Variants in LUZP2 observed in about 807,000 individuals in gnomAD.
LUZP2 encodes leucine zipper protein 2.
A neutral mutation model predicts 51.6 loss-of-function variants in LUZP2; 52 were observed. The ratio of observed to expected loss-of-function variants is 1.01; its 90% CI spans 0.81 to 1.27. The LOEUF (loss-of-function observed/expected upper bound fraction) is 1.27. Among genes scored for constraint, LUZP2 ranks in the 50% most tolerant of loss-of-function variants. The pLI is 0.00. For synonymous variants in LUZP2, 154 were observed against 137.3 expected, an observed-to-expected ratio of 1.12 and a Z score of -0.85; for missense variants, 436 against 395.4, an observed-to-expected ratio of 1.10 and a Z score of -0.87.
At chr11:24,818,465 A>G (rs1224095849) in intron 5 of LUZP2, among the ~76,000 whole-genome samples, 1 of 152,144 alleles carries the variant, frequency 6.6e-6, no homozygotes. Flanking sequence ...AGTGTCCTAG[A>G]GGTGGTATGT....
chr11:24,872,937 A>G (rs528559543), intron 5 of LUZP2, among the ~76,000 whole-genome samples: 1 of 152,268 alleles, frequency 6.6e-6, no homozygotes, highest in East Asian at 1.9e-4. Flanking sequence ...ATTCTGTTTT[A>G]CATTTTTCCC....
intron 1 of LUZP2, among the ~76,000 whole-genome samples, chr11:24,557,020 C>T (rs552999230): frequency 1.3e-5 from 2 of 152,276 alleles, no homozygotes; most frequent in East Asian, 3.9e-4. Context: ...TCCTCTCTTT[C>T]CATGTCTTAT....
chr11:24,573,290 C>T (rs1366601735), intron 1 of LUZP2, among the ~76,000 whole-genome samples: 1 of 151,970 alleles, frequency 6.6e-6, no homozygotes, highest in Non-Finnish European at 1.5e-5. Flanking sequence ...ACAAGGATTG[C>T]AAAGCCAGTA....
chr11:24,545,447 T>C (rs1046452685), intron 1 of LUZP2, among the ~76,000 whole-genome samples: 28 of 152,058 alleles, frequency 1.8e-4, no homozygotes, highest in African/African-American at 5.8e-4. Context: ...AGTTGATTCT[T>C]GTATACTATG....
chr11:24,619,811 GA>G (rs1188808869), intron 1 of LUZP2, among the ~76,000 whole-genome samples: 5 of 152,026 alleles, frequency 3.3e-5, no homozygotes, highest in Admixed American at 6.6e-5. Context: ...ATAATAATAA[GA>G]AAAAAAGTCT....
At chr11:24,683,825 C>T (rs1019125978) in intron 1 of LUZP2, among the ~76,000 whole-genome samples, 5 of 152,124 alleles carry the variant, frequency 3.3e-5, no homozygotes, top group African/African-American at 1.2e-4. Context: ...TATGATAAAT[C>T]TCAGTTCATG....
At chr11:25,046,303 C>A (rs1858306263) in intron 9 of LUZP2, among the ~76,000 whole-genome samples, 2 of 151,498 alleles carry the variant, frequency 1.3e-5, no homozygotes, top group South Asian at 4.2e-4. Context: ...AATGGGAGCT[C>A]TTTGAGATAC....
intron 1 of LUZP2, among the ~76,000 whole-genome samples, chr11:24,637,825 T>C (rs1047795687): frequency 2.8e-4 from 43 of 151,906 alleles, no homozygotes; most frequent in African/African-American, 1.0e-3. Context: ...CCCTCATCAA[T>C]AATTCTAATT....
At chr11:24,924,286 A>C (rs1204825244) in intron 7 of LUZP2, among the ~76,000 whole-genome samples, 1 of 151,750 alleles carries the variant, frequency 6.6e-6, no homozygotes, top group Non-Finnish European at 1.5e-5. Flanking sequence ...CCATGTTGGC[A>C]AGGATGGTCT....
intron 5 of LUZP2, among the ~76,000 whole-genome samples, chr11:24,800,992 C>T (rs1336103553): frequency 6.6e-6 from 1 of 152,090 alleles, no homozygotes; most frequent in Non-Finnish European, 1.5e-5. Flanking sequence ...ATTAACCTCC[C>T]TAAACTTCTT....
At chr11:24,816,279 A>ATT (rs1460728218) in intron 5 of LUZP2, among the ~76,000 whole-genome samples, 1 of 151,654 alleles carries the variant, frequency 6.6e-6, no homozygotes, top group Non-Finnish European at 1.5e-5. Flanking sequence ...TATTTCTAAA[A>ATT]TCTTTTTTTT....
At chr11:24,951,652 A>G (rs1855084017) in intron 7 of LUZP2, among the ~76,000 whole-genome samples, 1 of 151,524 alleles carries the variant, frequency 6.6e-6, no homozygotes. Context: ...AAACATATAT[A>G]TATAAAGATT....
At position 24,893,904 on chromosome 11, in the gene LUZP2, C is replaced by G. The variant is rs547664600; in HGVS notation, c.397-12087C>G. On this transcript the variant is annotated intron_variant, in intron 5 of 11. Transcript: ENST00000336930. Reference sequence around the variant, plus strand: ...TTAATATGAGCATCCATCCAGGAGACTAATTATAAACCTGCTTTACAATTA... The same window carrying G: ...TTAATATGAGCATCCATCCAGGAGAGTAATTATAAACCTGCTTTACAATTA... Among the ~76,000 whole-genome samples, 6 of 152,192 alleles carry G rather than the reference C, an allele frequency of 3.9e-5. No homozygotes were observed. The East Asian group carries it at 1.2e-3, about 29-fold the overall frequency.
chr11:25,029,842 A>G (rs896259755), intron 9 of LUZP2, among the ~76,000 whole-genome samples: 5 of 152,040 alleles, frequency 3.3e-5, no homozygotes, highest in Non-Finnish European at 7.4e-5. Flanking sequence ...TTTACAGGAT[A>G]CTATTGTATA....
chr11:24,896,528 G>A (rs1221572377), intron 5 of LUZP2, among the ~76,000 whole-genome samples: 1 of 152,168 alleles, frequency 6.6e-6, no homozygotes, highest in African/African-American at 2.4e-5. Flanking sequence ...ACTGCCCCAG[G>A]GGGCAGGGCT....
intron 4 of LUZP2, among the ~76,000 whole-genome samples, chr11:24,761,506 G>T (rs1370813214): frequency 1.3e-5 from 2 of 152,218 alleles, no homozygotes; most frequent in South Asian, 2.1e-4. Context: ...ACTGGGAAAT[G>T]ATGATAATGG....
At chr11:24,938,405 G>T (rs1487652936) in intron 7 of LUZP2, among the ~76,000 whole-genome samples, 1 of 152,036 alleles carries the variant, frequency 6.6e-6, no homozygotes, top group Admixed American at 6.6e-5. Context: ...TCATTTGTGG[G>T]AATAATAGTC....
At chr11:24,714,428 A>G (rs894528439) in intron 1 of LUZP2, among the ~76,000 whole-genome samples, 7 of 152,202 alleles carry the variant, frequency 4.6e-5, no homozygotes. Context: ...CAGACATCTG[A>G]ATCAATTGAT....
intron 1 of LUZP2, among the ~76,000 whole-genome samples, chr11:24,687,377 G>A (rs1194246939): frequency 6.6e-6 from 1 of 152,084 alleles, no homozygotes; most frequent in South Asian, 2.1e-4. Context: ...CAAAGTATGA[G>A]GTAGAATTAC....
Sources: gnomAD v4.1 joint callset for allele counts (sites outside exome capture counted in the v4.1 genomes callset) on GRCh38, gnomAD v4.1.1 for gene constraint, MANE v1.5 for transcripts, NCBI Gene and HGNC (gene_info 2026-07-23, HGNC 2026-07-21) for gene names.